NUGGC: variants seen among roughly 807,000 people sequenced by gnomAD.
The protein encoded by NUGGC is nuclear GTPase SLIP-GC.
In NUGGC, 58 loss-of-function variants were observed where a neutral mutation model predicts 92.6. The observed-to-expected ratio is 0.63, with a 90% CI of 0.51 to 0.78. The LOEUF (loss-of-function observed/expected upper bound fraction) is 0.78, where lower values mean the gene tolerates loss of function less well. NUGGC is among the 30% of genes least tolerant of loss of function. NUGGC has a pLI of 0.00. For synonymous variants in NUGGC, 376 were observed against 366.4 expected (o/e 1.03, Z -0.30); for missense variants, 925 against 964.6 (o/e 0.96, Z 0.54).
intron 11 of NUGGC, 33 bp from the exon 12 acceptor site, chr8:28,045,693 A>C: frequency 6.3e-7 from 1 of 1,599,990 alleles, no homozygotes; most frequent in Non-Finnish European, 8.5e-7. Flanking sequence ...ATAATTGTTA[A>C]AGGCCAGAAG....
At chr8:28,024,524 T>C (rs1042570698) in intron 18 of NUGGC, among the ~76,000 whole-genome samples, 3 of 152,180 alleles carry the variant, frequency 2.0e-5, no homozygotes, top group Admixed American at 1.3e-4. Flanking sequence ...AATCTCTTCC[T>C]CTATCTATCC....
intron 10 of NUGGC, among the ~76,000 whole-genome samples, chr8:28,051,273 A>AG (rs1485153294): frequency 6.6e-6 from 1 of 152,198 alleles, no homozygotes; most frequent in Non-Finnish European, 1.5e-5. Context: ...TGCTAAAGGG[A>AG]GTAATGCTAA....
intron 10 of NUGGC, among the ~76,000 whole-genome samples, chr8:28,053,489 A>G (rs1028018035): frequency 1.3e-5 from 2 of 152,078 alleles, no homozygotes; most frequent in African/African-American, 4.8e-5. Context: ...CATCTGGGAA[A>G]AAAAAAAAGT....
intron 12 of NUGGC, among the ~76,000 whole-genome samples, chr8:28,042,754 T>C (rs1053270062): frequency 6.6e-6 from 1 of 152,168 alleles, no homozygotes; most frequent in Admixed American, 6.5e-5. Flanking sequence ...CCCATAGACA[T>C]TTGTGGATTG....
rs569183728 is a variant in NUGGC, at chr8:28,042,350, A to G, written c.1447-1135T>C. 6.6e-5 allele frequency among the ~76,000 whole-genome samples: 10 copies of G among 152,274 alleles called. No individual in the cohort carries two copies. The South Asian group carries it at 1.9e-3, about 28-fold the overall frequency. ...CCCAGCTTGGCCTTTAAGGCACCTCATAGCCAGAACTCACTCCACCTCTCT... is the reference window on the plus strand; with the variant it reads ...CCCAGCTTGGCCTTTAAGGCACCTCGTAGCCAGAACTCACTCCACCTCTCT... On this transcript the variant is annotated intron_variant, in intron 12 of 18. Coordinates refer to ENST00000413272, the MANE Select transcript of NUGGC (RefSeq NM_001010906.2).
In NUGGC at chr8:28,065,843, C is replaced by T. The variant is rs187412743; in HGVS notation, c.712-1112G>A. 2.6e-3 allele frequency among the ~76,000 whole-genome samples: 392 copies of T among 152,204 alleles called. 2 individuals are homozygous for T. The highest frequency in any genetic ancestry group is 9.0e-3 in the African/African-American group (373 of 41,520). The stretch of plus-strand genomic sequence containing the variant: ...ATTTCAACCAAATGATAAACCACGA[C>T]GGAGGAGATAATAAAAGCTCTTTAA... On this transcript the variant is annotated intron_variant, in intron 6 of 18. Transcript: ENST00000413272.
At chr8:28,037,101 G>C (rs538885443) in intron 13 of NUGGC, among the ~76,000 whole-genome samples, 1 of 151,968 alleles carries the variant, frequency 6.6e-6, no homozygotes, top group Non-Finnish European at 1.5e-5. Context: ...ACGATTCCTC[G>C]TTTATCCAGC....
rs371236052 is a variant in NUGGC at position 28,060,498 on chromosome 8, T to G, written c.1025A>C (p.Gln342Pro). ...DLLNESIKACQRGFCRDVALV... is the reference protein window; with the variant it reads ...DLLNESIKACPRGFCRDVALV... The stretch of plus-strand genomic sequence containing the variant: ...GGCCACGTCCCTACAGAAGCCCCGC[T>G]GGCAGGCTTTGATGCTCTCATTCAG... The change falls in exon 8 of 19, where the codon CAG becomes CCG. Residue 342 changes from glutamine (Q) to proline (P), a missense_variant. Coordinates refer to ENST00000413272, the MANE Select transcript of NUGGC (RefSeq NM_001010906.2). The G allele has an allele frequency of 6.2e-7, 1 of 1,613,938 alleles. No homozygotes were observed. The highest frequency in any genetic ancestry group is 8.5e-7 in the Non-Finnish European group (1 of 1,179,868).
In NUGGC at chr8:28,055,965, CT is replaced by C; in HGVS notation, c.1205del (p.Lys402ArgfsTer41). On this transcript the variant is annotated frameshift_variant and splice_region_variant, in exon 10 of 19. Coordinates refer to ENST00000413272, the MANE Select transcript of NUGGC (RefSeq NM_001010906.2). LOFTEE classifies it high-confidence loss of function. ...CACATAGAGAAACCTATTAACTCAC[CT>C]TCAGTTTTTCCTTGAGAATTCTAGT... is the stretch of plus-strand genomic sequence containing the variant. The part of the protein sequence containing the change: ...QRTRILKEKL[K>X]RKLPADFKVL... 1 of 1,481,940 alleles carries C rather than the reference CT, an allele frequency of 6.7e-7. No individual in the cohort carries two copies. The highest frequency in any genetic ancestry group is 9.2e-7 in the Non-Finnish European group (1 of 1,081,750). The allele number at this position is 1,481,940 out of a possible 1,614,324, so 91.8% of individuals were successfully genotyped here.
intron 11 of NUGGC, among the ~76,000 whole-genome samples, chr8:28,046,471 A>C (rs990113282): frequency 6.6e-6 from 1 of 151,998 alleles, no homozygotes; most frequent in Admixed American, 6.6e-5. Flanking sequence ...CTTCTATTGC[A>C]CTCATGGTCA....
chr8:28,070,121 CCT>C, intron 3 of NUGGC, 129 bp downstream of exon 3: 1 of 1,440,916 alleles, frequency 6.9e-7, no homozygotes, highest in Admixed American at 2.8e-5. Context: ...GACTTTGAGC[CCT>C]CTCTTTCCAA....
chr8:28,023,356 T>G lies in NUGGC; in HGVS notation c.2352A>C (p.Ala784=). The G allele has an allele frequency of 6.2e-7, 1 of 1,613,950 alleles. No homozygotes were observed. The highest frequency in any genetic ancestry group is 8.5e-7 in the Non-Finnish European group (1 of 1,179,852). The change falls in exon 19 of 19, where the codon GCA becomes GCC. Residue 784 remains alanine (A), a synonymous_variant. Transcript: ENST00000413272. ...RKGMQEFLLR[A]SPSKAGPPGT... ...CGGGGGGGCCAGCCTTGCTGGGGGA[T>G]GCCCTTAGGAGGAATTCTTGCATGC...
At chr8:28,025,969 T>C (rs779762393) in intron 18 of NUGGC, among the ~76,000 whole-genome samples, 6 of 152,186 alleles carry the variant, frequency 3.9e-5, no homozygotes, top group Non-Finnish European at 8.8e-5. Context: ...TGGAGATTTT[T>C]ATGCACATAC....
At chr8:28,043,782 A>G (rs1764064570) in intron 12 of NUGGC, among the ~76,000 whole-genome samples, 1 of 152,190 alleles carries the variant, frequency 6.6e-6, no homozygotes, top group African/African-American at 2.4e-5. Flanking sequence ...TTCCATCAGC[A>G]CTTCCAAAAG....
chr8:28,041,664 G>T (rs1044209719), intron 12 of NUGGC, among the ~76,000 whole-genome samples: 1 of 152,144 alleles, frequency 6.6e-6, no homozygotes, highest in Non-Finnish European at 1.5e-5. Flanking sequence ...ATCAACAGGA[G>T]ATCTTAAAAT....
chr8:28,050,224 A>G (rs533834848), intron 10 of NUGGC, among the ~76,000 whole-genome samples: 25 of 152,172 alleles, frequency 1.6e-4, no homozygotes, highest in African/African-American at 6.0e-4. Flanking sequence ...CGTCTCTACT[A>G]AAAATACAAA....
chr8:28,050,989 CT>C (rs1554487373), intron 10 of NUGGC, among the ~76,000 whole-genome samples: 1 of 152,012 alleles, frequency 6.6e-6, no homozygotes, highest in Non-Finnish European at 1.5e-5. Context: ...CCCTAGCACT[CT>C]TTTTTTGCTG....
intron 11 of NUGGC, among the ~76,000 whole-genome samples, chr8:28,046,829 G>A (rs756458800): frequency 1.2e-4 from 18 of 150,092 alleles, no homozygotes; most frequent in African/African-American, 3.2e-4. Flanking sequence ...CACCACGTCC[G>A]GCTAATTTTT....
In NUGGC at chr8:28,029,258, T is replaced by G. The variant is rs1215281083; in HGVS notation, c.2154+8A>C. 6.2e-7 allele frequency: 1 copy of G among 1,602,160 alleles called. No individual in the cohort carries two copies. Among genetic ancestry groups the G allele is most frequent in the Admixed American group, 1.7e-5 (1 of 58,564 alleles). ...GGGTCTAGGATCCAGGATGTGGGCA[T>G]AGAGTACCTTCAGCTGCTGAAACTG... On this transcript the variant is annotated splice_region_variant and intron_variant, in intron 17 of 18. Transcript: ENST00000413272.
Sources: gnomAD v4.1 joint callset for allele counts (sites outside exome capture counted in the v4.1 genomes callset) on GRCh38, gnomAD v4.1.1 for gene constraint, MANE v1.5 for transcripts, NCBI Gene and HGNC (gene_info 2026-07-23, HGNC 2026-07-21) for gene names.